ADCY9: variants seen among roughly 807,000 people sequenced by gnomAD.
ADCY9 encodes the protein adenylate cyclase 9, also known as adenylate cyclase type 9.
A neutral mutation model predicts 101.5 loss-of-function variants in ADCY9; 50 were observed. The ratio of observed to expected loss-of-function variants is 0.49; its 90% CI spans 0.39 to 0.62. The LOEUF (loss-of-function observed/expected upper bound fraction) is 0.62, where lower values mean the gene tolerates loss of function less well. Ranked by LOEUF, ADCY9 falls within the 20% of genes least tolerant of loss-of-function variation. The probability of loss-of-function intolerance (pLI) is 0.00; values close to 1 mark genes in which losing one functional copy is unlikely to be tolerated. For missense variants in ADCY9, 1,662 were observed against 1,800.4 expected (o/e 0.92, Z 1.39); for synonymous variants, 905 against 769.3 (o/e 1.18, Z -2.92).
Position 4,061,037 on chromosome 16 carries a change from G to C in ADCY9, c.1693+52713C>G, listed in dbSNP as rs189502478. Among the ~76,000 whole-genome samples, 6 of 152,098 alleles carry C rather than the reference G, an allele frequency of 3.9e-5. No homozygotes were observed. The East Asian group carries it at 1.2e-3, about 29-fold the overall frequency. On this transcript the variant is annotated intron_variant, in intron 2 of 10. Coordinates refer to ENST00000294016, the MANE Select transcript of ADCY9 (RefSeq NM_001116.4). ...AATAAAGAGACAGAAATTATAAAAA[G>C]AAACCAAACAGAAATTCTAGAGTTC...
At chr16:4,097,551 ATATTT>A (rs1194868539) in intron 2 of ADCY9, among the ~76,000 whole-genome samples, 2 of 51,038 alleles carry the variant, frequency 3.9e-5, no homozygotes, top group African/African-American at 1.1e-4. Context: ...ATATATATAT[ATATTT>A]TTTTTTTTTT....
At chr16:4,035,998 CAAAAAAAAAAAA>C (rs55792873) in intron 2 of ADCY9, among the ~76,000 whole-genome samples, 7 of 23,168 alleles carry the variant, frequency 3.0e-4, no homozygotes, top group Non-Finnish European at 3.6e-4. Context: ...AACTCCATCT[CAAAAAAAAAAAA>C]AAAAAAAAAA....
At chr16:4,080,480 C>T (rs1035568010) in intron 2 of ADCY9, among the ~76,000 whole-genome samples, 2 of 152,158 alleles carry the variant, frequency 1.3e-5, no homozygotes, top group African/African-American at 4.8e-5. Flanking sequence ...TAGTCTCAAA[C>T]TCTTGGCCTC....
chr16:4,053,281 C>G (rs2056713521), intron 2 of ADCY9, among the ~76,000 whole-genome samples: 1 of 152,162 alleles, frequency 6.6e-6, no homozygotes, highest in African/African-American at 2.4e-5. Flanking sequence ...ACTAAATAAG[C>G]ATGGGAAACA....
chr16:4,102,378 C>G (rs2057048838), intron 2 of ADCY9, among the ~76,000 whole-genome samples: 2 of 151,992 alleles, frequency 1.3e-5, no homozygotes, highest in South Asian at 4.2e-4. Context: ...CAAGGGTGAG[C>G]CCTTCCAAAA....
intron 10 of ADCY9, among the ~76,000 whole-genome samples, chr16:3,971,395 C>T (rs1164452905): frequency 6.6e-6 from 1 of 152,146 alleles, no homozygotes; most frequent in African/African-American, 2.4e-5. Flanking sequence ...CCTGAGTCCA[C>T]CTGGGGCTGG....
At chr16:4,095,229 G>C (rs1224792030) in intron 2 of ADCY9, among the ~76,000 whole-genome samples, 1 of 152,048 alleles carries the variant, frequency 6.6e-6, no homozygotes, top group African/African-American at 2.4e-5. Flanking sequence ...TCGAACTCCT[G>C]ATCTCAGGTG....
At chr16:4,000,243 T>A (rs1159119537) in intron 3 of ADCY9, among the ~76,000 whole-genome samples, 1 of 152,256 alleles carries the variant, frequency 6.6e-6, no homozygotes, top group Non-Finnish European at 1.5e-5. Context: ...GCAGGTACTA[T>A]GATCGGTTCC....
chr16:4,084,754 AATGTG>A (rs1185413258), intron 2 of ADCY9, among the ~76,000 whole-genome samples: 4 of 151,924 alleles, frequency 2.6e-5, no homozygotes, highest in South Asian at 2.1e-4. Flanking sequence ...ACAAACAGGA[AATGTG>A]ATAGAATCAG....
intron 2 of ADCY9, among the ~76,000 whole-genome samples, chr16:4,079,957 C>T (rs1350767686): frequency 6.6e-6 from 1 of 152,032 alleles, no homozygotes; most frequent in Non-Finnish European, 1.5e-5. Context: ...TGGTCACCCC[C>T]TTTGCCATCT....
At chr16:4,064,613 C>T (rs2056789975) in intron 2 of ADCY9, among the ~76,000 whole-genome samples, 2 of 152,072 alleles carry the variant, frequency 1.3e-5, no homozygotes, top group Non-Finnish European at 2.9e-5. Flanking sequence ...GCTGGGACTC[C>T]AGGTGGGTAC....
chr16:3,971,127 G>A (rs1251680136), intron 10 of ADCY9, among the ~76,000 whole-genome samples: 1 of 152,012 alleles, frequency 6.6e-6, no homozygotes, highest in Non-Finnish European at 1.5e-5. Context: ...GGGCAGAGGC[G>A]GGAGACCTGA....
chr16:4,055,577 C>T (rs1318936670), intron 2 of ADCY9, among the ~76,000 whole-genome samples: 1 of 151,214 alleles, frequency 6.6e-6, no homozygotes, highest in African/African-American at 2.4e-5. Context: ...CTCACACCTA[C>T]AATCCCAGCA....
In ADCY9 at chr16:3,963,412, T is replaced by C. The variant is rs2055957112; in HGVS notation, c.*2363A>G. 5 of 398,590 alleles carry C rather than the reference T, an allele frequency of 1.3e-5. No individual in the cohort carries two copies. The highest frequency in any genetic ancestry group is 2.2e-5 in the Non-Finnish European group (5 of 225,846). 24.7% of individuals were successfully genotyped at this position (398,590 alleles called of 1,614,324 possible). ...GATTCTGTGGTTCTGCACTGAGGTATGCATCGGAGCAGGGGACGGGGAGGA... is the reference window on the plus strand; with the variant it reads ...GATTCTGTGGTTCTGCACTGAGGTACGCATCGGAGCAGGGGACGGGGAGGA... On this transcript the variant is annotated 3_prime_UTR_variant, in exon 11 of 11. Coordinates refer to ENST00000294016, the MANE Select transcript of ADCY9 (RefSeq NM_001116.4).
intron 5 of ADCY9, among the ~76,000 whole-genome samples, chr16:3,989,569 G>A (rs2056227139): frequency 6.6e-6 from 1 of 152,236 alleles, no homozygotes; most frequent in African/African-American, 2.4e-5. Context: ...TAGCAGACGC[G>A]GGGTTTCACC....
In ADCY9 at chr16:4,097,453, CATATATATATATATATATATAT is replaced by C. The variant is rs71394653; in HGVS notation, c.1693+16275_1693+16296del. 1.1e-4 allele frequency among the ~76,000 whole-genome samples: 8 copies of C among 71,060 alleles called. 1 individual carries two copies. The highest frequency in any genetic ancestry group is 3.7e-4 in the African/African-American group (7 of 18,960). The allele number at this position is 71,060 out of a possible 152,430, so 46.6% of individuals were successfully genotyped here. ...AACAGGGTACTCACATGTGGAGTTA[CATATATATATATATATATATAT>C]ATATATATATATACACACACACACA... is the stretch of plus-strand genomic sequence containing the variant. On this transcript the variant is annotated intron_variant, in intron 2 of 10. Coordinates refer to ENST00000294016, the MANE Select transcript of ADCY9 (RefSeq NM_001116.4).
At position 3,965,362 on chromosome 16, in the gene ADCY9, T is replaced by C. The variant is rs2055980268; in HGVS notation, c.*413A>G. On this transcript the variant is annotated 3_prime_UTR_variant, in exon 11 of 11. Coordinates refer to ENST00000294016, the MANE Select transcript of ADCY9 (RefSeq NM_001116.4). ...CAAAATAAACTCAAAAACAGGGTAT[T>C]AGCCAGAGAACCGAAAATAGTGTCT... The C allele has an allele frequency of 9.2e-6, 2 of 217,042 alleles. No individual in the cohort carries two copies. Among genetic ancestry groups the C allele is most frequent in the South Asian group, 1.8e-4 (2 of 10,876 alleles). 13.4% of individuals were successfully genotyped at this position (217,042 alleles called of 1,614,324 possible).
intron 2 of ADCY9, among the ~76,000 whole-genome samples, chr16:4,083,847 G>A (rs1028686076): frequency 2.0e-5 from 3 of 152,220 alleles, no homozygotes; most frequent in Non-Finnish European, 4.4e-5. Context: ...GCTGCCAGGG[G>A]CTGGGAGCAC....
intron 2 of ADCY9, among the ~76,000 whole-genome samples, chr16:4,032,346 C>G (rs1045224760): frequency 6.6e-6 from 1 of 151,948 alleles, no homozygotes; most frequent in African/African-American, 2.4e-5. Flanking sequence ...ACGGGACCAC[C>G]AGGAATGGCA....
Sources: gnomAD v4.1 joint callset for allele counts (sites outside exome capture counted in the v4.1 genomes callset) on GRCh38, gnomAD v4.1.1 for gene constraint, MANE v1.5 for transcripts, NCBI Gene and HGNC (gene_info 2026-07-23, HGNC 2026-07-21) for gene names.